Variants in GSK3B observed in about 807,000 individuals in gnomAD.
GSK3B encodes the protein glycogen synthase kinase 3 beta, also known as glycogen synthase kinase-3 beta.
GSK3B carries 15 observed loss-of-function variants against 56.4 expected under a neutral mutation model. The observed-to-expected ratio is 0.27, with a 90% CI of 0.18 to 0.41. The LOEUF (loss-of-function observed/expected upper bound fraction) is 0.41. Among genes scored for constraint, GSK3B ranks in the 10% least tolerant of loss-of-function variants. The pLI is 1.00. For synonymous variants in GSK3B, 181 were observed against 188.9 expected, an observed-to-expected ratio of 0.96 and a Z score of 0.34; for missense variants, 300 against 513.4, an observed-to-expected ratio of 0.58 and a Z score of 4.02.
intron 1 of GSK3B, among the ~76,000 whole-genome samples, chr3:120,044,613 G>GC (rs746902942): frequency 6.6e-5 from 10 of 152,322 alleles, no homozygotes; most frequent in Non-Finnish European, 1.0e-4. Context: ...AGACCAAATA[G>GC]CTGCAGGATT....
In GSK3B at chr3:119,923,431, T is replaced by C. The variant is rs374053953; in HGVS notation, c.419A>G (p.Tyr140Cys). 6 of 1,605,824 alleles carry C rather than the reference T, an allele frequency of 3.7e-6. No homozygotes were observed. The highest frequency in any genetic ancestry group is 1.1e-5 in the South Asian group (1 of 90,418). Residue 140 changes from tyrosine (Y) to cysteine (C), a missense_variant, in exon 4 of 11, where the codon TAC becomes TGC. Tyr to Cys is a radical substitution (Grantham distance 194, BLOSUM62 -2). Transcript: ENST00000264235. Reference protein sequence around the residue: ...LVLDYVPETVYRVARHYSRAK... With the variant: ...LVLDYVPETVCRVARHYSRAK... The stretch of plus-strand genomic sequence containing the variant: ...TCGACTATAGTGTCTGGCAACTCTG[T>C]ATACTGTTTCCGGAACATAGTCCAG...
intron 2 of GSK3B, among the ~76,000 whole-genome samples, chr3:119,947,748 C>T (rs1270661734): frequency 6.6e-6 from 1 of 151,600 alleles, no homozygotes; most frequent in Non-Finnish European, 1.5e-5. Flanking sequence ...TGTTACTTTA[C>T]CACAAATAGC....
At chr3:119,888,088 T>A (rs1243348637) in intron 7 of GSK3B, among the ~76,000 whole-genome samples, 1 of 152,002 alleles carries the variant, frequency 6.6e-6, no homozygotes, top group East Asian at 1.9e-4. Flanking sequence ...AAAAAAGTAG[T>A]TCAGGATTAA....
intron 10 of GSK3B, among the ~76,000 whole-genome samples, chr3:119,836,756 A>G (rs2055696743): frequency 6.6e-6 from 1 of 152,246 alleles, no homozygotes; most frequent in African/African-American, 2.4e-5. Flanking sequence ...AGGAATGACC[A>G]ATCACTAAGA....
At chr3:120,002,686 T>C (rs1027097492) in intron 1 of GSK3B, among the ~76,000 whole-genome samples, 2 of 152,360 alleles carry the variant, frequency 1.3e-5, no homozygotes, top group African/African-American at 4.8e-5. Context: ...TTATTACATG[T>C]AATTACTTCA....
At chr3:119,960,866 T>C (rs948545975) in intron 2 of GSK3B, among the ~76,000 whole-genome samples, 3 of 152,222 alleles carry the variant, frequency 2.0e-5, no homozygotes, top group African/African-American at 7.2e-5. Flanking sequence ...AGTTTTGTTG[T>C]CTGTTTTGTT....
At chr3:119,850,023 T>C (rs1481598951) in intron 9 of GSK3B, among the ~76,000 whole-genome samples, 1 of 148,586 alleles carries the variant, frequency 6.7e-6, no homozygotes, top group East Asian at 2.0e-4. Context: ...GATGTAAATC[T>C]ATAGATGTAT....
chr3:119,939,052 AGG>A lies in GSK3B; in HGVS notation c.366+8214_366+8215del, dbSNP rs2057022492. Among the ~76,000 whole-genome samples, 3 of 152,034 alleles carry A rather than the reference AGG, an allele frequency of 2.0e-5. 1 individual carries two copies. The highest frequency in any genetic ancestry group is 7.2e-5 in the African/African-American group (3 of 41,422). ...AAAGAGGTATGTGCAAGATATTCCAAGGAGAGAGAAGCTTTTGGGGCTAAAAG... is the reference window on the plus strand; with the variant it reads ...AAAGAGGTATGTGCAAGATATTCCAAAGAGAGAAGCTTTTGGGGCTAAAAG... On this transcript the variant is annotated intron_variant, in intron 3 of 10. Transcript: ENST00000264235.
At chr3:119,899,645 C>T (rs990461870) in intron 7 of GSK3B, among the ~76,000 whole-genome samples, 1 of 152,046 alleles carries the variant, frequency 6.6e-6, no homozygotes. Context: ...ACATTTGTAA[C>T]AAAAATGTAA....
chr3:119,881,471 T>A (rs1204129661), intron 7 of GSK3B, among the ~76,000 whole-genome samples: 1 of 152,166 alleles, frequency 6.6e-6, no homozygotes, highest in Non-Finnish European at 1.5e-5. Flanking sequence ...TTGCATATAC[T>A]TTTTCATTTT....
In GSK3B at chr3:120,064,264, T is replaced by C. The variant is rs538953375; in HGVS notation, c.88+29083A>G. On this transcript the variant is annotated intron_variant, in intron 1 of 10. Transcript: ENST00000264235. ...TGAAACAAAATCGGATTTGGAAGTA[T>C]TGATATGAATCACAGTGTGTTTTCC... 7.2e-5 allele frequency among the ~76,000 whole-genome samples: 11 copies of C among 152,016 alleles called. No homozygotes were observed. In the South Asian group the frequency reaches 2.3e-3, roughly 31 times the overall value.
intron 10 of GSK3B, among the ~76,000 whole-genome samples, 166 bp downstream of exon 10, chr3:119,843,084 TTTTTA>T (rs1336169982): frequency 2.0e-5 from 3 of 151,840 alleles, no homozygotes; most frequent in Non-Finnish European, 2.9e-5. Context: ...CCTGGCTAAG[TTTTTA>T]TTTTTAGTAG....
At chr3:119,911,643 GCC>G (rs2056735766) in intron 6 of GSK3B, among the ~76,000 whole-genome samples, 1 of 152,194 alleles carries the variant, frequency 6.6e-6, no homozygotes, top group South Asian at 2.1e-4. Context: ...GTTTAATGTA[GCC>G]ACCTTCATCG....
rs185603922 is a variant in GSK3B at position 119,989,519 on chromosome 3, C to T, written c.282+12527G>A. ...AATTAGCCGGGCGTACAGGCAGGCG[C>T]CTGTAGTCCCAAGCTACTCGGGGGC... On this transcript the variant is annotated intron_variant, in intron 2 of 10. Transcript: ENST00000264235. Among the ~76,000 whole-genome samples the T allele has an allele frequency of 1.7e-3, 254 of 151,964 alleles. 1 individual carries two copies. Among genetic ancestry groups the T allele is most frequent in the African/African-American group, 5.7e-3 (236 of 41,450 alleles).
intron 1 of GSK3B, among the ~76,000 whole-genome samples, chr3:120,026,615 G>C (rs1251284300): frequency 6.7e-6 from 1 of 150,152 alleles, no homozygotes; most frequent in African/African-American, 2.5e-5. Flanking sequence ...GCCCAGGCTA[G>C]AGGGCAATCT....
chr3:119,893,344 A>C (rs962184989), intron 7 of GSK3B, among the ~76,000 whole-genome samples: 5 of 152,092 alleles, frequency 3.3e-5, no homozygotes, highest in Non-Finnish European at 7.4e-5. Context: ...TAAAGTAATA[A>C]GCTCAATAAT....
intron 8 of GSK3B, among the ~76,000 whole-genome samples, chr3:119,874,445 T>A (rs990450159): frequency 2.0e-5 from 3 of 152,032 alleles, no homozygotes; most frequent in African/African-American, 2.4e-5. Context: ...TCTTAAAATA[T>A]CTTATTGTAC....
At chr3:119,993,275 A>C (rs1437188486) in intron 2 of GSK3B, among the ~76,000 whole-genome samples, 1 of 152,094 alleles carries the variant, frequency 6.6e-6, no homozygotes, top group Non-Finnish European at 1.5e-5. Flanking sequence ...AGAATCGAAA[A>C]GAAATGACAC....
intron 1 of GSK3B, among the ~76,000 whole-genome samples, chr3:120,049,438 G>C (rs1223283947): frequency 6.6e-6 from 1 of 152,210 alleles, no homozygotes; most frequent in East Asian, 1.9e-4. Context: ...GAAAAATCTG[G>C]AATGTCAGAA....
Sources: allele counts gnomAD v4.1 joint callset (sites outside exome capture counted in the v4.1 genomes callset), GRCh38; gene constraint gnomAD v4.1.1; transcripts MANE v1.5; gene names NCBI Gene and HGNC (gene_info 2026-07-23, HGNC 2026-07-21).